Variants in SLC2A13 observed in about 807,000 individuals in gnomAD.
SLC2A13 encodes the protein solute carrier family 2 member 13, also known as proton myo-inositol cotransporter.
SLC2A13 carries 32 observed loss-of-function variants against 64.4 expected under a neutral mutation model. That is an observed-to-expected ratio of 0.50 (90% CI 0.37 to 0.67). SLC2A13 has a LOEUF of 0.67. Among genes scored for constraint, SLC2A13 ranks in the 30% least tolerant of loss-of-function variants. The probability of loss-of-function intolerance (pLI) is 0.00; values close to 1 mark genes in which losing one functional copy is unlikely to be tolerated. For synonymous variants in SLC2A13, 338 were observed against 327.1 expected, an observed-to-expected ratio of 1.03 and a Z score of -0.36; for missense variants, 743 against 829.2, an observed-to-expected ratio of 0.90 and a Z score of 1.28.
intron 2 of SLC2A13, among the ~76,000 whole-genome samples, chr12:40,042,773 G>T (rs1361496710): frequency 2.0e-5 from 3 of 152,032 alleles, no homozygotes; most frequent in Non-Finnish European, 2.9e-5. Context: ...GGAGATAGAA[G>T]AGTAAGCAAG....
At chr12:39,945,041 G>C (rs1024824066) in intron 4 of SLC2A13, among the ~76,000 whole-genome samples, 17 of 152,276 alleles carry the variant, frequency 1.1e-4, no homozygotes, top group Admixed American at 9.2e-4. Context: ...AGCAGTTCTT[G>C]TAGTGGTGGT....
intron 7 of SLC2A13, among the ~76,000 whole-genome samples, chr12:39,828,384 G>A (rs889317131): frequency 5.3e-5 from 8 of 151,352 alleles, no homozygotes; most frequent in African/African-American, 1.9e-4. Flanking sequence ...TAATTTATGT[G>A]CAGTTACAGG....
intron 1 of SLC2A13, among the ~76,000 whole-genome samples, chr12:40,077,119 CTAGTT>C (rs1405713395): frequency 2.6e-5 from 4 of 151,862 alleles, no homozygotes; most frequent in African/African-American, 9.7e-5. Flanking sequence ...TTTACTCACA[CTAGTT>C]TATTTTGCTA....
At chr12:39,805,148 A>C (rs1941936027) in intron 7 of SLC2A13, among the ~76,000 whole-genome samples, 1 of 152,200 alleles carries the variant, frequency 6.6e-6, no homozygotes, top group African/African-American at 2.4e-5. Flanking sequence ...AGGCCAGGCC[A>C]GGCCAGAGAG....
chr12:39,773,019 A>T (rs1940639914), intron 7 of SLC2A13, among the ~76,000 whole-genome samples: 1 of 152,208 alleles, frequency 6.6e-6, no homozygotes, highest in African/African-American at 2.4e-5. Context: ...CCAACTAAAA[A>T]ATAAAAATGC....
intron 4 of SLC2A13, among the ~76,000 whole-genome samples, chr12:39,944,932 T>A (rs192805956): frequency 2.5e-4 from 38 of 152,312 alleles, no homozygotes; most frequent in African/African-American, 8.7e-4. Flanking sequence ...TTCTTTTTAA[T>A]GTGCATTTTT....
At chr12:39,805,172 G>C (rs952171662) in intron 7 of SLC2A13, among the ~76,000 whole-genome samples, 1 of 150,178 alleles carries the variant, frequency 6.7e-6, no homozygotes, top group African/African-American at 2.5e-5. Context: ...TGTGTTGGAC[G>C]TGGCCAGAAT....
At chr12:39,961,623 C>T (rs972189087) in intron 3 of SLC2A13, among the ~76,000 whole-genome samples, 2 of 152,036 alleles carry the variant, frequency 1.3e-5, no homozygotes, top group Admixed American at 6.5e-5. Context: ...CTCAACCTCC[C>T]GAGTAGTTGA....
At chr12:39,941,457 T>C (rs941778806) in intron 4 of SLC2A13, among the ~76,000 whole-genome samples, 1 of 152,216 alleles carries the variant, frequency 6.6e-6, no homozygotes, top group South Asian at 2.1e-4. Context: ...TTTTTGATCA[T>C]GGCCATTCCT....
intron 3 of SLC2A13, among the ~76,000 whole-genome samples, chr12:39,987,636 T>C (rs908403516): frequency 6.6e-5 from 10 of 152,222 alleles, no homozygotes; most frequent in Non-Finnish European, 1.2e-4. Context: ...CTGTTTTTTC[T>C]TAAAACCAAA....
intron 4 of SLC2A13, among the ~76,000 whole-genome samples, chr12:39,896,019 T>C (rs111203766): frequency 0.47 from 65,910 of 141,156 alleles, 16,146 homozygotes; most frequent in East Asian, 0.77. Flanking sequence ...TGTGTATATG[T>C]ATACATACAT....
intron 4 of SLC2A13, among the ~76,000 whole-genome samples, chr12:39,921,612 A>G (rs1945616689): frequency 6.6e-6 from 1 of 152,118 alleles, no homozygotes; most frequent in Admixed American, 6.5e-5. Flanking sequence ...GTCATACCAT[A>G]TTTTTATGTT....
chr12:39,896,496 A>C (rs1944902470), intron 4 of SLC2A13, among the ~76,000 whole-genome samples: 1 of 148,074 alleles, frequency 6.8e-6, no homozygotes, highest in Non-Finnish European at 1.5e-5. Context: ...ATATGTACAC[A>C]TATATGTATG....
intron 1 of SLC2A13, among the ~76,000 whole-genome samples, chr12:40,096,204 C>T (rs989266177): frequency 6.6e-6 from 1 of 151,960 alleles, no homozygotes; most frequent in African/African-American, 2.4e-5. Context: ...GCTGGGATTA[C>T]AGGCATGAGC....
chr12:39,980,910 C>T (rs1359864134), intron 3 of SLC2A13, among the ~76,000 whole-genome samples: 6 of 151,804 alleles, frequency 4.0e-5, no homozygotes, highest in Non-Finnish European at 8.8e-5. Flanking sequence ...CCAAAATTGA[C>T]CACATAGTTG....
intron 3 of SLC2A13, among the ~76,000 whole-genome samples, chr12:39,964,141 T>C (rs750640576): frequency 6.6e-6 from 1 of 152,176 alleles, no homozygotes; most frequent in South Asian, 2.1e-4. Flanking sequence ...GAACTATATA[T>C]ATAAAAATGA....
intron 1 of SLC2A13, among the ~76,000 whole-genome samples, chr12:40,102,221 G>A (rs570227451): frequency 6.6e-6 from 1 of 152,192 alleles, no homozygotes; most frequent in Admixed American, 6.5e-5. Context: ...CTCCAGGGTG[G>A]GATTTTTATC....
At chr12:40,010,084 A>T (rs963300681) in intron 3 of SLC2A13, among the ~76,000 whole-genome samples, 7 of 152,230 alleles carry the variant, frequency 4.6e-5, no homozygotes, top group African/African-American at 1.2e-4. Flanking sequence ...TCAAGAAAAC[A>T]TATGCACTGA....
intron 1 of SLC2A13, among the ~76,000 whole-genome samples, chr12:40,098,832 T>C (rs1433903398): frequency 6.6e-6 from 1 of 152,232 alleles, no homozygotes. Flanking sequence ...CAACAAGTCT[T>C]AAGTACTACG....
Sources: gnomAD v4.1 joint callset for allele counts (sites outside exome capture counted in the v4.1 genomes callset) on GRCh38, gnomAD v4.1.1 for gene constraint, MANE v1.5 for transcripts, NCBI Gene and HGNC (gene_info 2026-07-23, HGNC 2026-07-21) for gene names.